The following VIPAS39 variants were observed in gnomAD, a reference collection of about 807,000 sequenced individuals.
The protein encoded by VIPAS39 is VPS33B interacting protein, apical-basolateral polarity regulator, spe-39 homolog.
A neutral mutation model predicts 84.7 loss-of-function variants in VIPAS39; 63 were observed. The ratio of observed to expected loss-of-function variants is 0.74; its 90% confidence interval spans 0.61 to 0.92. The LOEUF (loss-of-function observed/expected upper bound fraction) is 0.92. VIPAS39 is among the 40% of genes least tolerant of loss of function. The pLI is 0.00. For synonymous variants in VIPAS39, 192 were observed against 216.5 expected, an observed-to-expected ratio of 0.89 and a Z score of 0.99; for missense variants, 499 against 604.5, an observed-to-expected ratio of 0.83 and a Z score of 1.83.
At chr14:77,449,256 T>G in intron 6 of VIPAS39, 37 bp downstream of exon 6, 1 of 1,594,006 alleles carries the variant, frequency 6.3e-7, no homozygotes, top group Non-Finnish European at 8.6e-7. Flanking sequence ...TACTTTATAC[T>G]GTGGAAAGTG....
At chr14:77,456,706 G>T (rs1028079475) in intron 1 of VIPAS39, among the ~76,000 whole-genome samples, 2 of 152,196 alleles carry the variant, frequency 1.3e-5, no homozygotes, top group African/African-American at 2.4e-5. Context: ...TCTACAGATA[G>T]ACATAGAATG....
At chr14:77,437,620 A>G (rs1360478743) in intron 12 of VIPAS39, among the ~76,000 whole-genome samples, 188 bp downstream of exon 12, 1 of 152,074 alleles carries the variant, frequency 6.6e-6, no homozygotes, top group African/African-American at 2.4e-5. Context: ...TCAGTTTACC[A>G]TCAAGCAGTG....
intron 3 of VIPAS39, 86 bp from the exon 4 acceptor site, chr14:77,451,419 C>T: frequency 1.2e-6 from 2 of 1,606,692 alleles, no homozygotes; most frequent in Non-Finnish European, 1.7e-6. Flanking sequence ...AAAAGCTTTT[C>T]ACCAGAAGCC....
intron 16 of VIPAS39, among the ~76,000 whole-genome samples, chr14:77,432,453 C>T (rs562958078): frequency 6.6e-6 from 1 of 152,228 alleles, no homozygotes; most frequent in South Asian, 2.1e-4. Context: ...CAGCATCTCA[C>T]AGAGACATCT....
intron 16 of VIPAS39, 105 bp from the exon 17 acceptor site, chr14:77,429,872 G>C: frequency 1.0e-6 from 1 of 998,226 alleles, no homozygotes; most frequent in Non-Finnish European, 1.6e-6. Flanking sequence ...GTGGGTGAGT[G>C]GGGGTGCTGA....
chr14:77,442,775 GCTAAGAATGGTTTACCC>G, intron 9 of VIPAS39, 113 bp from the exon 10 acceptor site: 6 of 989,442 alleles, frequency 6.1e-6, no homozygotes, highest in Non-Finnish European at 9.6e-6. Context: ...CCTAACAAAA[GCTAAGAATGGTTTACCC>G]CTATGTCTTA....
In VIPAS39 at chr14:77,443,116, C is replaced by T. The variant is rs574909457; in HGVS notation, c.631+3G>A. 1 of 1,614,238 alleles carries T rather than the reference C, an allele frequency of 6.2e-7. No homozygotes were observed. The highest frequency in any genetic ancestry group is 1.7e-5 in the Admixed American group (1 of 60,032). On this transcript the variant is annotated splice_donor_region_variant and intron_variant, in intron 9 of 19. Coordinates refer to ENST00000557658, the MANE Select transcript of VIPAS39 (RefSeq NM_001193315.2). ...CTGAAGATTTCCTGCAAGCCATTCT[C>T]ACCTTTGCTCAGTGTCCTCTTCAGG... is the stretch of plus-strand genomic sequence containing the variant.
intron 13 of VIPAS39, 84 bp downstream of exon 13, chr14:77,435,760 G>A (rs953509719): frequency 4.9e-6 from 7 of 1,432,614 alleles, no homozygotes; most frequent in South Asian, 2.3e-5. Flanking sequence ...AATGACCCAC[G>A]TGCAGAGCAT....
rs117696736 is a variant in VIPAS39 at position 77,443,182 on chromosome 14, A to G, written c.598-30T>C. 39 of 1,614,066 alleles carry G rather than the reference A, an allele frequency of 2.4e-5. No individual in the cohort carries two copies. In the East Asian group the frequency reaches 8.7e-4, roughly 36 times the overall value. Reference sequence around the variant, plus strand: ...AGGAAAAAAGAACAAAGACTGTGCAAACTTTCCAACACAGAGTCATGCCCT... The same window carrying G: ...AGGAAAAAAGAACAAAGACTGTGCAGACTTTCCAACACAGAGTCATGCCCT... On this transcript the variant is annotated intron_variant, in intron 8 of 19. Transcript: ENST00000557658.
chr14:77,434,415 T>C (rs1483084677), intron 14 of VIPAS39, 112 bp from the exon 15 acceptor site: 1 of 973,054 alleles, frequency 1.0e-6, no homozygotes, highest in African/African-American at 1.6e-5. Context: ...TCTGCTGCCA[T>C]TTAAACATAG....
In VIPAS39 at chr14:77,429,779, A is replaced by C; in HGVS notation, c.1180-12T>G. ...TAGCCCAGCCAGTTCTGAAAGAGGA[A>C]GATGGGGTAGCGGCAGGTAGGCCAG... On this transcript the variant is annotated splice_polypyrimidine_tract_variant and intron_variant, in intron 16 of 19. Transcript: ENST00000557658. The C allele has an allele frequency of 6.2e-7, 1 of 1,613,458 alleles. No individual in the cohort carries two copies. Among genetic ancestry groups the C allele is most frequent in the Non-Finnish European group, 8.5e-7 (1 of 1,179,332 alleles).
At position 77,453,348 on chromosome 14, in the gene VIPAS39, A is replaced by G. The variant is rs2078912780; in HGVS notation, c.147T>C (p.Asp49=). 2 of 1,613,862 alleles carry G rather than the reference A, an allele frequency of 1.2e-6. No homozygotes were observed. Among genetic ancestry groups the G allele is most frequent in the East Asian group, 4.5e-5 (2 of 44,870 alleles). Residue 49 remains aspartate, a synonymous_variant, in exon 3 of 20, where the codon GAT becomes GAC. Coordinates refer to ENST00000557658, the MANE Select transcript of VIPAS39 (RefSeq NM_001193315.2). ...TGACTCGCTCCAGGTCATCATCGTC[A>G]TCATCATCCACGAAGTCTCGGAGGC... The part of the protein sequence containing the change: ...VNSLRDFVDD[D]DDDDLERVSW...
intron 19 of VIPAS39, 61 bp from the exon 20 acceptor site, chr14:77,427,697 C>G: frequency 6.2e-7 from 1 of 1,605,362 alleles, no homozygotes; most frequent in Non-Finnish European, 8.5e-7. Context: ...TACAGCAAGG[C>G]AGAGAAAATG....
Position 77,427,073 on chromosome 14 carries a change from CACA to C in VIPAS39, c.*540_*542del, listed in dbSNP as rs2078442431. On this transcript the variant is annotated 3_prime_UTR_variant, in exon 20 of 20. Coordinates refer to ENST00000557658, the MANE Select transcript of VIPAS39 (RefSeq NM_001193315.2). ...AGCAGAGGGAAAATGGCTGAGGAAA[CACA>C]ACGTCTAGGCCATGTGTGGCATAAT... The C allele has an allele frequency of 6.4e-6, 1 of 155,668 alleles. No homozygotes were observed. The highest frequency in any genetic ancestry group is 2.4e-5 in the African/African-American group (1 of 41,452). 9.6% of individuals were successfully genotyped at this position (155,668 alleles called of 1,614,324 possible).
intron 16 of VIPAS39, 39 bp downstream of exon 16, chr14:77,433,803 T>C: frequency 4.4e-6 from 7 of 1,597,646 alleles, no homozygotes; most frequent in Non-Finnish European, 6.0e-6. Flanking sequence ...AACCCTTCTG[T>C]CTCCCAAGGC....
At chr14:77,435,521 G>A (rs983714309) in intron 13 of VIPAS39, 128 bp from the exon 14 acceptor site, 1 of 1,301,212 alleles carries the variant, frequency 7.7e-7, no homozygotes, top group African/African-American at 1.5e-5. Context: ...AACAGAAAAA[G>A]AAAGAAATTG....
Position 77,435,332 on chromosome 14 carries a change from T to C in VIPAS39, c.974A>G (p.Lys325Arg). Residue 325 changes from lysine (K) to arginine (R), a missense_variant, in exon 14 of 20, where the codon AAA (lysine) becomes AGA (arginine). Physicochemically the swap from Lys to Arg is conservative, Grantham distance 26. Coordinates refer to ENST00000557658, the MANE Select transcript of VIPAS39 (RefSeq NM_001193315.2). ...TAGTGGCATGTTGAGGATGGAGGCT[T>C]TGCGGGGGTGCTTTCGGAAGATCTC... ...QTEIFRKHPR[K>R]ASILNMPLVT... The C allele has an allele frequency of 6.2e-7, 1 of 1,612,914 alleles. No homozygotes were observed. Among genetic ancestry groups the C allele is most frequent in the Non-Finnish European group, 8.5e-7 (1 of 1,179,650 alleles).
chr14:77,433,164 T>C (rs1208888079), intron 16 of VIPAS39, among the ~76,000 whole-genome samples: 1 of 152,084 alleles, frequency 6.6e-6, no homozygotes, highest in Non-Finnish European at 1.5e-5. Flanking sequence ...ATATGTATTA[T>C]TATATTAATG....
chr14:77,429,214 T>C (rs2139732325), intron 17 of VIPAS39, 119 bp from the exon 18 acceptor site: 1 of 840,982 alleles, frequency 1.2e-6, no homozygotes, highest in Non-Finnish European at 1.9e-6. Context: ...GTTTCCAGTT[T>C]CCATCATCAA....
Sources: allele counts gnomAD v4.1 joint callset (sites outside exome capture counted in the v4.1 genomes callset), GRCh38; gene constraint gnomAD v4.1.1; transcripts MANE v1.5; gene names NCBI Gene and HGNC (gene_info 2026-07-23, HGNC 2026-07-21).